Variants in NALCN observed in about 807,000 individuals in gnomAD.
NALCN encodes sodium leak channel, non-selective.
In NALCN, 111 loss-of-function variants were observed where a neutral mutation model predicts 225.3. The observed-to-expected ratio is 0.49, with a 90% CI of 0.42 to 0.58. The LOEUF (loss-of-function observed/expected upper bound fraction) is 0.58, where lower values mean the gene tolerates loss of function less well. NALCN is among the 20% of genes least tolerant of loss of function. NALCN has a pLI of 0.00. For missense variants in NALCN, 1,378 were observed against 2,202.4 expected (o/e 0.63, Z 7.49); for synonymous variants, 764 against 769.0 (o/e 0.99, Z 0.11).
chr13:101,086,995 T>C (rs2139534083), intron 30 of NALCN, among the ~76,000 whole-genome samples: 1 of 152,276 alleles, frequency 6.6e-6, no homozygotes, highest in East Asian at 1.9e-4. Context: ...TTTGGAAAGT[T>C]GAACTCTGAA....
chr13:101,314,838 T>C (rs1189241496), intron 7 of NALCN, among the ~76,000 whole-genome samples: 1 of 152,170 alleles, frequency 6.6e-6, no homozygotes, highest in East Asian at 1.9e-4. Context: ...GTATTTAACG[T>C]GTCATTTGGA....
intron 15 of NALCN, among the ~76,000 whole-genome samples, chr13:101,165,551 C>G (rs1336755033): frequency 6.6e-6 from 1 of 152,226 alleles, no homozygotes; most frequent in African/African-American, 2.4e-5. Context: ...CTCACTGAAG[C>G]CTTGATCTCT....
chr13:101,240,031 G>A (rs890567403), intron 11 of NALCN, among the ~76,000 whole-genome samples: 3 of 151,902 alleles, frequency 2.0e-5, no homozygotes, highest in Admixed American at 2.0e-4. Context: ...TTCCTTATGC[G>A]TTTTGGGAGT....
intron 1 of NALCN, 25 bp from the exon 2 acceptor site, chr13:101,399,190 G>A (rs1469306804): frequency 1.3e-6 from 2 of 1,588,130 alleles, no homozygotes; most frequent in South Asian, 1.1e-5. Context: ...AGTTGTATTT[G>A]TCATCTAAAC....
intron 10 of NALCN, among the ~76,000 whole-genome samples, chr13:101,266,927 A>G (rs1401962630): frequency 2.6e-5 from 4 of 152,254 alleles, no homozygotes; most frequent in South Asian, 4.1e-4. Flanking sequence ...TAACACTTAT[A>G]TCAACACTGA....
intron 35 of NALCN, among the ~76,000 whole-genome samples, chr13:101,074,893 G>A (rs902443972): frequency 6.6e-6 from 1 of 152,130 alleles, no homozygotes; most frequent in African/African-American, 2.4e-5. Context: ...GGCGTTGGGC[G>A]AATTTTATTT....
chr13:101,170,409 C>G (rs1358365647), intron 15 of NALCN, among the ~76,000 whole-genome samples: 2 of 152,178 alleles, frequency 1.3e-5, no homozygotes, highest in African/African-American at 2.4e-5. Context: ...GGAAGGAGGT[C>G]TGCTTTACTC....
chr13:101,303,027 G>T (rs1332655109), intron 7 of NALCN, among the ~76,000 whole-genome samples: 2 of 152,110 alleles, frequency 1.3e-5, no homozygotes, highest in East Asian at 3.9e-4. Context: ...TTCCAATGTA[G>T]ACCAGAACTC....
intron 17 of NALCN, among the ~76,000 whole-genome samples, chr13:101,137,815 C>T (rs749899466): frequency 1.3e-5 from 2 of 152,126 alleles, no homozygotes; most frequent in Non-Finnish European, 2.9e-5. Flanking sequence ...TAACAGTAAC[C>T]TTTCTTGTCT....
intron 14 of NALCN, among the ~76,000 whole-genome samples, chr13:101,178,820 T>C (rs1473861780): frequency 1.3e-5 from 2 of 152,220 alleles, no homozygotes; most frequent in South Asian, 2.1e-4. Flanking sequence ...AAAGCGGTGA[T>C]ATAAAAGAGG....
chr13:101,132,278 AATTTCTG>A (rs142755464), intron 17 of NALCN, among the ~76,000 whole-genome samples: 2,088 of 151,912 alleles, frequency 0.014, 29 homozygotes, highest in Non-Finnish European at 0.018. Flanking sequence ...AATAGTTTTA[AATTTCTG>A]AATGTGTAGG....
chr13:101,311,635 T>C (rs1451503425), intron 7 of NALCN, among the ~76,000 whole-genome samples: 1 of 152,192 alleles, frequency 6.6e-6, no homozygotes, highest in African/African-American at 2.4e-5. Context: ...TTTTTGTCTT[T>C]GGTTCTGTTT....
chr13:101,063,548 A>G (rs2032129690), intron 40 of NALCN, among the ~76,000 whole-genome samples: 1 of 152,192 alleles, frequency 6.6e-6, no homozygotes, highest in African/African-American at 2.4e-5. Context: ...AAAATTTGCC[A>G]CTAGGAGGAA....
chr13:101,188,670 CTGTG>C (rs1158208447), intron 14 of NALCN, among the ~76,000 whole-genome samples: 2 of 131,834 alleles, frequency 1.5e-5, no homozygotes, highest in Non-Finnish European at 3.3e-5. Flanking sequence ...GTGTGTGTGT[CTGTG>C]TGTGTGTATA....
chr13:101,160,671 T>C (rs1420173553), intron 15 of NALCN, among the ~76,000 whole-genome samples: 1 of 152,206 alleles, frequency 6.6e-6, no homozygotes, highest in African/African-American at 2.4e-5. Context: ...TTTTTGTTTT[T>C]TTTTATGAAG....
At chr13:101,108,455 T>G (rs1172344512) in intron 20 of NALCN, among the ~76,000 whole-genome samples, 4 of 152,192 alleles carry the variant, frequency 2.6e-5, no homozygotes, top group African/African-American at 4.8e-5. Flanking sequence ...GTGATCCGAT[T>G]TTTTAAAAAA....
At chr13:101,074,849 G>GGT (rs1254840584) in intron 35 of NALCN, among the ~76,000 whole-genome samples, 187 bp from the exon 36 acceptor site, 1 of 152,104 alleles carries the variant, frequency 6.6e-6, no homozygotes, top group Non-Finnish European at 1.5e-5. Context: ...CTTTCTATAA[G>GGT]GTATTACATC....
intron 1 of NALCN, among the ~76,000 whole-genome samples, chr13:101,414,355 G>T (rs906910100): frequency 1.3e-5 from 2 of 152,156 alleles, no homozygotes; most frequent in Non-Finnish European, 2.9e-5. Flanking sequence ...TTCTGGCCCA[G>T]TGCTTAGCTT....
intron 1 of NALCN, among the ~76,000 whole-genome samples, chr13:101,416,046 G>C (rs2047935638): frequency 6.6e-6 from 1 of 152,036 alleles, no homozygotes; most frequent in Non-Finnish European, 1.5e-5. Flanking sequence ...CAGGAATAGG[G>C]AGGGCGCATC....
Sources: allele counts gnomAD v4.1 joint callset (sites outside exome capture counted in the v4.1 genomes callset), GRCh38; gene constraint gnomAD v4.1.1; transcripts MANE v1.5; gene names NCBI Gene and HGNC (gene_info 2026-07-23, HGNC 2026-07-21).